BICDL1: variants seen among roughly 807,000 people sequenced by gnomAD.
BICDL1 encodes the protein BICD family-like cargo adapter 1.
Under a neutral mutation model 76.8 loss-of-function variants are expected in BICDL1, and 20 were observed. That is an observed-to-expected ratio of 0.26 (90% CI 0.18 to 0.38). The LOEUF (loss-of-function observed/expected upper bound fraction) is 0.38, where lower values mean the gene tolerates loss of function less well. BICDL1 is among the 10% of genes least tolerant of loss of function. BICDL1 has a pLI of 1.00. For synonymous variants in BICDL1, 383 were observed against 337.1 expected (o/e 1.14, Z -1.49); for missense variants, 700 against 798.6 (o/e 0.88, Z 1.49).
intron 9 of BICDL1, chr12:120,092,596 CG>C (rs985274277): frequency 3.0e-6 from 3 of 985,292 alleles, no homozygotes; most frequent in Non-Finnish European, 3.6e-6. Context: ...TAGGGCCTGC[CG>C]GGGCTGGGGG....
Position 120,071,945 on chromosome 12 carries a change from T to A in BICDL1, c.1089+144T>A. 1 of 1,357,572 alleles carries A rather than the reference T, an allele frequency of 7.4e-7. No homozygotes were observed. The highest frequency in any genetic ancestry group is 2.7e-5 in the East Asian group (1 of 36,872). 84.1% of individuals were successfully genotyped at this position (1,357,572 alleles called of 1,614,324 possible). A position where few individuals can be genotyped will look rare whatever the true frequency, so the allele number is the denominator to read the frequency against. ...CCTTGGCCTGCTGGCTAGAGTGTCA[T>A]GAAGCAGGCCCTGATGGAGCATGTC... On this transcript the variant is annotated intron_variant, in intron 5 of 9. Coordinates refer to ENST00000548673, the MANE Select transcript of BICDL1 (RefSeq NM_001367886.1). The surrounding 1 kb of genome is among the most constrained non-coding windows in gnomAD (Gnocchi z 4.8).
Position 120,093,592 on chromosome 12 carries a change from G to C in BICDL1, c.*431G>C, listed in dbSNP as rs1438364421. The C allele has an allele frequency of 1.6e-5, 3 of 192,216 alleles. No homozygotes were observed. Among genetic ancestry groups the C allele is most frequent in the African/African-American group, 2.4e-5 (1 of 41,878 alleles). The allele number at this position is 192,216 out of a possible 1,614,324, so 11.9% of individuals were successfully genotyped here. A position where few individuals can be genotyped will look rare whatever the true frequency, so the allele number is the denominator to read the frequency against. ...ATGCCTCAGGAGGCCTGAGCCCCAG[G>C]GGCCTAGACCTGTGGGGGCAGCGGG... is the stretch of plus-strand genomic sequence containing the variant. On this transcript the variant is annotated 3_prime_UTR_variant, in exon 10 of 10. Coordinates refer to ENST00000548673, the MANE Select transcript of BICDL1 (RefSeq NM_001367886.1).
At chr12:120,021,945 TAATA>T (rs1477737482) in intron 2 of BICDL1, among the ~76,000 whole-genome samples, 1 of 146,816 alleles carries the variant, frequency 6.8e-6, no homozygotes, top group East Asian at 2.0e-4. Flanking sequence ...AAAAATAAAA[TAATA>T]AAAATAAAAT....
intron 8 of BICDL1, among the ~76,000 whole-genome samples, chr12:120,088,128 C>G (rs1224852149): frequency 1.3e-5 from 2 of 152,080 alleles, no homozygotes; most frequent in Non-Finnish European, 2.9e-5. Context: ...GGCGGGGTTT[C>G]TCCTTGTTGG....
rs1359259867 is a variant in BICDL1, at chr12:119,990,184, A to G, written c.316A>G (p.Lys106Glu). 3 of 1,557,014 alleles carry G rather than the reference A, an allele frequency of 1.9e-6. No individual in the cohort carries two copies. Among genetic ancestry groups the G allele is most frequent in the South Asian group, 2.4e-5 (2 of 84,420 alleles). The change falls in exon 1 of 10, where the codon AAG becomes GAG. Residue 106 changes from lysine (K) to glutamate (E), a missense_variant. Around this residue, in one of 3 missense-constraint regions of BICDL1, gnomAD observed 225 missense variants for 199.6 expected, o/e 1.13. Transcript: ENST00000548673. The part of the protein sequence containing the change: ...DPELLSVIRQ[K>E]EKDLVLAARL... Reference sequence around the variant, plus strand: ...CGAGCTGCTGTCGGTGATCCGACAGAAGGAGAAGGATCTGGTGTTGGCGGC... The same window carrying G: ...CGAGCTGCTGTCGGTGATCCGACAGGAGGAGAAGGATCTGGTGTTGGCGGC...
At chr12:120,008,164 T>A (rs1951885550) in intron 2 of BICDL1, among the ~76,000 whole-genome samples, 1 of 139,400 alleles carries the variant, frequency 7.2e-6, no homozygotes, top group Admixed American at 7.2e-5. Flanking sequence ...TTTTTTTTTT[T>A]TTTTTTTTTT....
Position 119,998,712 on chromosome 12 carries a change from A to G in BICDL1, c.621A>G (p.Gln207=). 6.2e-7 allele frequency: 1 copy of G among 1,614,160 alleles called. No homozygotes were observed. Among genetic ancestry groups the G allele is most frequent in the South Asian group, 1.1e-5 (1 of 91,078 alleles). Residue 207 remains glutamine (Q), a synonymous_variant, in exon 2 of 10, where the codon CAA becomes CAG. Transcript: ENST00000548673. ...TCCAGGAACTGTCGGAACAGAACCA[A>G]AGGCTATTGGATCAGCTCAGCAGGG... The part of the protein sequence containing the change: ...RAVQELSEQN[Q]RLLDQLSRAS...
At chr12:120,025,262 G>A (rs951098606) in intron 2 of BICDL1, among the ~76,000 whole-genome samples, 3 of 151,930 alleles carry the variant, frequency 2.0e-5, no homozygotes, top group Admixed American at 6.6e-5. Context: ...GTGTTAGCCA[G>A]GATGGTCTTG....
Position 119,989,444 on chromosome 12 carries a change from C to T in BICDL1, c.-425C>T, listed in dbSNP as rs1443781681. Among the ~76,000 whole-genome samples the T allele has an allele frequency of 1.4e-4, 19 of 132,938 alleles. No individual in the cohort carries two copies. Among genetic ancestry groups the T allele is most frequent in the Admixed American group, 3.0e-4 (4 of 13,382 alleles). 87.2% of individuals were successfully genotyped at this position (132,938 alleles called of 152,430 possible). The stretch of plus-strand genomic sequence containing the variant: ...GCGGAGCGCAGCCCGCCCCGTGAGG[C>T]GCTGCCCGGCCGGCGGCGGCAGCAG... On this transcript the variant is annotated 5_prime_UTR_variant, in exon 1 of 10. Transcript: ENST00000548673.
chr12:120,019,632 G>A (rs1030513623), intron 2 of BICDL1, among the ~76,000 whole-genome samples: 4 of 152,088 alleles, frequency 2.6e-5, no homozygotes, highest in Middle Eastern at 3.4e-3. Context: ...TTTTGAGACC[G>A]AGTCTGGGAG....
At chr12:120,063,775 C>G (rs1444395675) in intron 3 of BICDL1, among the ~76,000 whole-genome samples, 1 of 152,082 alleles carries the variant, frequency 6.6e-6, no homozygotes, top group South Asian at 2.1e-4. Context: ...CAGAAGGTCC[C>G]CTAGGAGTCA....
At chr12:119,996,151 C>G (rs547129142) in intron 1 of BICDL1, among the ~76,000 whole-genome samples, 1 of 152,148 alleles carries the variant, frequency 6.6e-6, no homozygotes, top group Non-Finnish European at 1.5e-5. Flanking sequence ...CAGATACACT[C>G]GAGTGGCTAT....
chr12:120,056,200 T>A (rs1261936159), intron 2 of BICDL1, among the ~76,000 whole-genome samples: 1 of 152,052 alleles, frequency 6.6e-6, no homozygotes, highest in Non-Finnish European at 1.5e-5. Context: ...TTTTCTTTAC[T>A]TTTTTTTACT....
chr12:120,066,829 C>T (rs1953232268), intron 4 of BICDL1, among the ~76,000 whole-genome samples: 1 of 152,176 alleles, frequency 6.6e-6, no homozygotes, highest in African/African-American at 2.4e-5. Flanking sequence ...AAAAATCCAG[C>T]TTACTCAGGT....
rs1250198792 is a variant in BICDL1, at chr12:120,094,183, G to A, written c.*1022G>A. 2.0e-5 allele frequency: 9 copies of A among 447,776 alleles called. No individual in the cohort carries two copies. The highest frequency in any genetic ancestry group is 7.0e-5 in the East Asian group (1 of 14,212). 27.7% of individuals were successfully genotyped at this position (447,776 alleles called of 1,614,324 possible). On this transcript the variant is annotated 3_prime_UTR_variant, in exon 10 of 10. Coordinates refer to ENST00000548673, the MANE Select transcript of BICDL1 (RefSeq NM_001367886.1). ...GGCTGCTGCTCCTGCCTCTGCAGCC[G>A]CCCCTCCTCCTCCACCCAGGCCCCA...
rs977740783 is a variant in BICDL1, at chr12:120,002,215, C to G, written c.645+3479C>G. Among the ~76,000 whole-genome samples, 5 of 152,170 alleles carry G rather than the reference C, an allele frequency of 3.3e-5. No individual in the cohort carries two copies. In the South Asian group the frequency reaches 1.0e-3, roughly 32 times the overall value. On this transcript the variant is annotated intron_variant, in intron 2 of 9. Transcript: ENST00000548673. ...CCAACCATATTGGATTAGACCCACCCTAATGACCTCATTTTAATTTGATTA... is the reference window on the plus strand; with the variant it reads ...CCAACCATATTGGATTAGACCCACCGTAATGACCTCATTTTAATTTGATTA...
At position 120,059,076 on chromosome 12, in the gene BICDL1, G is replaced by GT. The variant is rs199593588; in HGVS notation, c.646-2624dup. ...TTTGAGGTTAAGACAGCCAAAGTTG[G>GT]TTTTTTTTTTATTAATTTTTTTTAA... On this transcript the variant is annotated intron_variant, in intron 2 of 9. Coordinates refer to ENST00000548673, the MANE Select transcript of BICDL1 (RefSeq NM_001367886.1). Among the ~76,000 whole-genome samples the GT allele has an allele frequency of 4.2e-3, 628 of 147,944 alleles. 4 individuals carry two copies. The highest frequency in any genetic ancestry group is 0.014 in the African/African-American group (572 of 40,338).
chr12:119,999,287 T>C (rs1308901241), intron 2 of BICDL1, among the ~76,000 whole-genome samples: 3 of 152,178 alleles, frequency 2.0e-5, no homozygotes, highest in Admixed American at 6.5e-5. Flanking sequence ...AGTTTTCTCA[T>C]TTTTAAAATG....
chr12:120,017,058 G>A (rs567587376), intron 2 of BICDL1, among the ~76,000 whole-genome samples: 3 of 151,896 alleles, frequency 2.0e-5, no homozygotes, highest in African/African-American at 4.8e-5. Flanking sequence ...CACCACACCC[G>A]GCTAATTTTT....
Sources: gnomAD v4.1 joint callset for allele counts (sites outside exome capture counted in the v4.1 genomes callset) on GRCh38, gnomAD v4.1.1 for gene constraint, gnomAD v4.1.1 regional missense constraint, Gnocchi (gnomAD v3.1) non-coding constraint, MANE v1.5 for transcripts, NCBI Gene and HGNC (gene_info 2026-07-23, HGNC 2026-07-21) for gene names.